GRIK4: variants seen among roughly 807,000 people sequenced by gnomAD.
GRIK4 encodes the protein glutamate receptor ionotropic, kainate 4.
Under a neutral mutation model 104.9 loss-of-function variants are expected in GRIK4, and 40 were observed. The ratio of observed to expected loss-of-function variants is 0.38; its 90% CI spans 0.30 to 0.50. GRIK4 has a LOEUF of 0.50. GRIK4 is among the 20% of genes least tolerant of loss of function. GRIK4 has a pLI of 0.93. For synonymous variants in GRIK4, 485 were observed against 524.9 expected, an observed-to-expected ratio of 0.92 and a Z score of 1.04; for missense variants, 1,047 against 1,308.1, an observed-to-expected ratio of 0.80 and a Z score of 3.08.
intron 1 of GRIK4, among the ~76,000 whole-genome samples, chr11:120,530,293 T>G (rs1947909941): frequency 6.6e-6 from 1 of 152,188 alleles, no homozygotes; most frequent in African/African-American, 2.4e-5. Context: ...GTCGATGGCC[T>G]GTGGGGAGAG....
intron 13 of GRIK4, among the ~76,000 whole-genome samples, chr11:120,926,687 C>G (rs912089823): frequency 6.6e-6 from 1 of 152,172 alleles, no homozygotes; most frequent in Non-Finnish European, 1.5e-5. Context: ...TTGGATTTGT[C>G]TATTCATTCA....
chr11:120,729,450 G>A (rs933888065), intron 3 of GRIK4, among the ~76,000 whole-genome samples: 2 of 152,110 alleles, frequency 1.3e-5, no homozygotes, highest in African/African-American at 2.4e-5. Flanking sequence ...GATAAAAGTC[G>A]TTTCAACTGG....
chr11:120,952,999 C>T lies in GRIK4; in HGVS notation c.1700+35C>T. ...TCTTCCCTTCCCTGTCCTTACACCG[C>T]CACCTCGTGTCCACCTCTGGGAACT... On this transcript the variant is annotated intron_variant, in intron 15 of 20. Transcript: ENST00000527524. This position sits in a 1 kb window ranked among gnomAD's most constrained non-coding sequence, Gnocchi z 5.2. The T allele has an allele frequency of 7.3e-7, 1 of 1,369,722 alleles. No individual in the cohort carries two copies. The highest frequency in any genetic ancestry group is 1.4e-5 in the African/African-American group (1 of 70,100). 84.8% of individuals were successfully genotyped at this position (1,369,722 alleles called of 1,614,324 possible).
chr11:120,964,469 G>A (rs1294158123), intron 18 of GRIK4, among the ~76,000 whole-genome samples: 1 of 152,096 alleles, frequency 6.6e-6, no homozygotes, highest in Non-Finnish European at 1.5e-5. Flanking sequence ...TATGTCATTG[G>A]TGTCCACTAA....
intron 3 of GRIK4, among the ~76,000 whole-genome samples, chr11:120,713,191 C>T (rs1443282348): frequency 1.3e-5 from 2 of 152,122 alleles, no homozygotes; most frequent in Non-Finnish European, 2.9e-5. Flanking sequence ...GTCAAGTGTC[C>T]CCCTGTTTAT....
intron 8 of GRIK4, among the ~76,000 whole-genome samples, chr11:120,858,080 G>A (rs920982858): frequency 6.6e-6 from 1 of 151,824 alleles, no homozygotes; most frequent in African/African-American, 2.4e-5. Flanking sequence ...CCCTTCCTGG[G>A]ATATTTATAA....
chr11:120,911,002 C>A (rs1308222704), intron 13 of GRIK4, among the ~76,000 whole-genome samples: 1 of 152,106 alleles, frequency 6.6e-6, no homozygotes, highest in Non-Finnish European at 1.5e-5. Context: ...GGGTAGATTC[C>A]ATTTCAGCAA....
At chr11:120,841,140 T>C (rs1297788290) in intron 8 of GRIK4, among the ~76,000 whole-genome samples, 1 of 152,238 alleles carries the variant, frequency 6.6e-6, no homozygotes, top group Non-Finnish European at 1.5e-5. Flanking sequence ...ATTGTAACCA[T>C]ATTTAAGTAC....
chr11:120,659,202 GGCA>G (rs879587973), intron 2 of GRIK4, among the ~76,000 whole-genome samples: 1 of 152,104 alleles, frequency 6.6e-6, no homozygotes, highest in Non-Finnish European at 1.5e-5. Flanking sequence ...CTTGGGGAGA[GGCA>G]GCTCCCTGCA....
chr11:120,559,797 C>T (rs1382651697), intron 1 of GRIK4, among the ~76,000 whole-genome samples: 1 of 152,184 alleles, frequency 6.6e-6, no homozygotes, highest in Admixed American at 6.5e-5. Flanking sequence ...TTGCCTCTTA[C>T]TTTTGCCAGC....
At chr11:120,818,126 G>A (rs1237113721) in intron 5 of GRIK4, among the ~76,000 whole-genome samples, 1 of 152,168 alleles carries the variant, frequency 6.6e-6, no homozygotes, top group Admixed American at 6.5e-5. Flanking sequence ...CCATCTCTAG[G>A]ATCCGTGGAT....
At chr11:120,650,599 CTG>C (rs1484970097) in intron 1 of GRIK4, among the ~76,000 whole-genome samples, 11 of 152,222 alleles carry the variant, frequency 7.2e-5, no homozygotes, top group Non-Finnish European at 1.6e-4. Flanking sequence ...CCTTCACAGT[CTG>C]TAATTATGGC....
At chr11:120,848,212 A>T (rs1012910567) in intron 8 of GRIK4, among the ~76,000 whole-genome samples, 5 of 152,174 alleles carry the variant, frequency 3.3e-5, no homozygotes, top group African/African-American at 1.2e-4. Context: ...GACTGACTCT[A>T]AGATGCTATG....
rs142275323 is a variant in GRIK4, at chr11:120,936,237, G to A, written c.1477-4110G>A. 259 of 455,692 alleles carry A rather than the reference G, an allele frequency of 5.7e-4. 3 individuals are homozygous for A. Among genetic ancestry groups the A allele is most frequent in the African/African-American group, 4.3e-3 (212 of 48,996 alleles). 28.2% of individuals were successfully genotyped at this position (455,692 alleles called of 1,614,324 possible). On this transcript the variant is annotated intron_variant, in intron 13 of 20. Coordinates refer to ENST00000527524, the MANE Select transcript of GRIK4 (RefSeq NM_014619.5). ...TTCACAGCCCTCTTTTCATATGGCC[G>A]CTAGTCATCTGCCGCCGTGTTAGTC...
intron 12 of GRIK4, among the ~76,000 whole-genome samples, chr11:120,901,205 C>T (rs541638860): frequency 3.2e-4 from 49 of 152,150 alleles, no homozygotes; most frequent in Non-Finnish European, 6.6e-4. Context: ...CTGCCCAGGC[C>T]CTGCTGCCCC....
chr11:120,814,322 G>T (rs1254363076), intron 4 of GRIK4, among the ~76,000 whole-genome samples: 1 of 152,184 alleles, frequency 6.6e-6, no homozygotes, highest in Admixed American at 6.5e-5. Flanking sequence ...CCCAGTGGTG[G>T]GGTGCGGTGG....
Position 120,940,137 on chromosome 11 carries a change from G to A in GRIK4, c.1477-210G>A, listed in dbSNP as rs1413862086. On this transcript the variant is annotated intron_variant, in intron 13 of 20. Transcript: ENST00000527524. This position sits in a 1 kb window ranked among gnomAD's most constrained non-coding sequence, Gnocchi z 4.3. ...ATTTATGTATTTAAAGGGATCTAAC[G>A]ACAAGTGAACATGAGTTATAGCTTC... 6.6e-6 allele frequency among the ~76,000 whole-genome samples: 1 copy of A among 152,132 alleles called. No homozygotes were observed. Among genetic ancestry groups the A allele is most frequent in the East Asian group, 1.9e-4 (1 of 5,206 alleles).
intron 3 of GRIK4, among the ~76,000 whole-genome samples, chr11:120,689,128 G>A (rs868746134): frequency 3.3e-5 from 5 of 152,102 alleles, no homozygotes; most frequent in South Asian, 4.1e-4. Flanking sequence ...AGGGATGGGT[G>A]GAGGGCCTTC....
intron 3 of GRIK4, among the ~76,000 whole-genome samples, chr11:120,760,469 T>C (rs1043370212): frequency 6.6e-6 from 1 of 150,908 alleles, no homozygotes; most frequent in African/African-American, 2.4e-5. Context: ...TATTATACTT[T>C]AAGTTCTGGG....
Sources: gnomAD v4.1 joint callset for allele counts (sites outside exome capture counted in the v4.1 genomes callset) on GRCh38, gnomAD v4.1.1 for gene constraint, Gnocchi (gnomAD v3.1) non-coding constraint, MANE v1.5 for transcripts, NCBI Gene and HGNC (gene_info 2026-07-23, HGNC 2026-07-21) for gene names.